The following LIMK2 variants were observed in gnomAD, a reference collection of about 807,000 sequenced individuals.
The protein encoded by LIMK2 is LIM domain kinase 2.
LIMK2 carries 35 observed loss-of-function variants against 75.7 expected under a neutral mutation model. The observed-to-expected ratio is 0.46, with a 90% CI of 0.35 to 0.61. The LOEUF (loss-of-function observed/expected upper bound fraction) is 0.61, where lower values mean the gene tolerates loss of function less well. LIMK2 is among the 20% of genes least tolerant of loss of function. The pLI is 0.00. For missense variants in LIMK2, 623 were observed against 831.0 expected (o/e 0.75, Z 3.08); for synonymous variants, 301 against 319.2 (o/e 0.94, Z 0.61).
intron 7 of LIMK2, among the ~76,000 whole-genome samples, chr22:31,263,569 G>A (rs1489481528): frequency 2.0e-5 from 3 of 152,130 alleles, no homozygotes; most frequent in Non-Finnish European, 4.4e-5. Flanking sequence ...GCCAGGCACC[G>A]TGGCTCATGC....
intron 2 of LIMK2, among the ~76,000 whole-genome samples, chr22:31,239,010 T>C (rs1003621586): frequency 1.3e-5 from 2 of 152,198 alleles, no homozygotes; most frequent in Middle Eastern, 3.2e-3. Flanking sequence ...CTATAAGGGG[T>C]TGCAATTCCA....
intron 1 of LIMK2, among the ~76,000 whole-genome samples, chr22:31,219,910 A>G (rs935744978): frequency 1.3e-5 from 2 of 152,198 alleles, no homozygotes; most frequent in African/African-American, 2.4e-5. Context: ...CACTGTTGAT[A>G]AGTCTGCAAA....
chr22:31,221,219 A>G lies in LIMK2; in HGVS notation c.17-4501A>G, dbSNP rs116820881. The stretch of plus-strand genomic sequence containing the variant: ...GATTGTAGCAGACCAGGGGCCAGAC[A>G]TGGTTTGCTAGCCCTTTGGAGGTAG... On this transcript the variant is annotated intron_variant, in intron 1 of 15. Coordinates refer to ENST00000331728, the MANE Select transcript of LIMK2 (RefSeq NM_005569.4). Among the ~76,000 whole-genome samples the G allele has an allele frequency of 6.0e-3, 914 of 152,288 alleles. 13 individuals are homozygous for G. Among genetic ancestry groups the G allele is most frequent in the African/African-American group, 0.021 (861 of 41,542 alleles).
chr22:31,237,976 A>G (rs896476779), intron 2 of LIMK2, among the ~76,000 whole-genome samples: 1 of 151,320 alleles, frequency 6.6e-6, no homozygotes, highest in Non-Finnish European at 1.5e-5. Context: ...TTAGCCAGGC[A>G]TGATGGCAGG....
At chr22:31,233,162 T>G (rs932673486) in intron 2 of LIMK2, among the ~76,000 whole-genome samples, 2 of 152,196 alleles carry the variant, frequency 1.3e-5, no homozygotes, top group African/African-American at 4.8e-5. Flanking sequence ...AAATGCCAGC[T>G]TCACTTACCA....
intron 2 of LIMK2, among the ~76,000 whole-genome samples, chr22:31,242,695 C>A (rs899250556): frequency 6.6e-6 from 1 of 152,166 alleles, no homozygotes; most frequent in African/African-American, 2.4e-5. Context: ...AAGTTCTATC[C>A]AGATGCCAAA....
intron 2 of LIMK2, among the ~76,000 whole-genome samples, chr22:31,240,591 T>C (rs1348623434): frequency 6.6e-6 from 1 of 152,022 alleles, no homozygotes; most frequent in Non-Finnish European, 1.5e-5. Context: ...TCCTGGCTAA[T>C]TTTATGTGTT....
chr22:31,270,911 A>G (rs1362280900), intron 11 of LIMK2, among the ~76,000 whole-genome samples: 1 of 152,188 alleles, frequency 6.6e-6, no homozygotes, highest in Non-Finnish European at 1.5e-5. Context: ...TTGGTGAACC[A>G]AAGGATGGGC....
Position 31,262,192 on chromosome 22 carries a change from A to G in LIMK2, c.610A>G (p.Ile204Val). The G allele has an allele frequency of 2.5e-6, 4 of 1,614,194 alleles. No individual in the cohort carries two copies. The highest frequency in any genetic ancestry group is 2.5e-6 in the Non-Finnish European group (3 of 1,180,024). The change falls in exon 6 of 16, where the codon ATC (isoleucine) becomes GTC (valine). Residue 204 changes from isoleucine to valine, a missense_variant. Transcript: ENST00000331728. The surrounding 1 kb of genome is among the most constrained non-coding windows in gnomAD (Gnocchi z 5.0). ...AAACGCCATCCACCCTGGGGACCGC[A>G]TCCTGGAGATCAATGGGACCCCCGT... ...NRNAIHPGDRILEINGTPVRT... is the reference protein window; with the variant it reads ...NRNAIHPGDRVLEINGTPVRT...
chr22:31,235,207 A>C (rs1410635263), intron 2 of LIMK2, among the ~76,000 whole-genome samples: 1 of 152,122 alleles, frequency 6.6e-6, no homozygotes, highest in African/African-American at 2.4e-5. Flanking sequence ...TGTTGAATGA[A>C]TTGCTAGAGG....
intron 2 of LIMK2, among the ~76,000 whole-genome samples, chr22:31,228,528 C>T (rs2048498257): frequency 6.6e-6 from 1 of 152,094 alleles, no homozygotes; most frequent in South Asian, 2.1e-4. Flanking sequence ...GAGCTTCAGG[C>T]ACCAATCTGT....
At chr22:31,243,046 C>T (rs1014219106) in intron 2 of LIMK2, among the ~76,000 whole-genome samples, 5 of 152,194 alleles carry the variant, frequency 3.3e-5, no homozygotes, top group Non-Finnish European at 7.3e-5. Flanking sequence ...CCTCAGCCTC[C>T]GCAGTAGCTG....
In LIMK2 at chr22:31,262,346, T is replaced by C. The variant is rs1601433817; in HGVS notation, c.657+107T>C. ...TTCCTACCCCCAGCCCATCTCTTTG[T>C]CTTAGCATTGAGCCTGTGACCACTG... On this transcript the variant is annotated intron_variant, in intron 6 of 15. Transcript: ENST00000331728. This position sits in a 1 kb window ranked among gnomAD's most constrained non-coding sequence, Gnocchi z 5.0. 1 of 967,982 alleles carries C rather than the reference T, an allele frequency of 1.0e-6. No homozygotes were observed. The highest frequency in any genetic ancestry group is 1.6e-6 in the Non-Finnish European group (1 of 613,852). The allele number at this position is 967,982 out of a possible 1,614,324, so 60.0% of individuals were successfully genotyped here. A position where few individuals can be genotyped will look rare whatever the true frequency, so the allele number is the denominator to read the frequency against.
chr22:31,276,575 C>CCCG (rs969403952), intron 15 of LIMK2, among the ~76,000 whole-genome samples: 2 of 145,658 alleles, frequency 1.4e-5, no homozygotes, highest in Non-Finnish European at 3.0e-5. Flanking sequence ...CCCGGGCGCC[C>CCCG]CCGCCGCCGC....
intron 2 of LIMK2, among the ~76,000 whole-genome samples, chr22:31,227,892 C>G (rs2048492555): frequency 6.6e-6 from 1 of 152,172 alleles, no homozygotes; most frequent in South Asian, 2.1e-4. Flanking sequence ...ATAACCCATT[C>G]ATATCACAGA....
chr22:31,242,878 C>T (rs1214952230), intron 2 of LIMK2, among the ~76,000 whole-genome samples: 1 of 152,226 alleles, frequency 6.6e-6, no homozygotes, highest in Non-Finnish European at 1.5e-5. Flanking sequence ...CATATGTTCT[C>T]ATTTAATGCT....
intron 2 of LIMK2, chr22:31,248,557 C>T: frequency 1.9e-6 from 3 of 1,599,826 alleles, no homozygotes; most frequent in Non-Finnish European, 2.6e-6. Context: ...AGTCCTCAGG[C>T]TCCCGCAGCT....
intron 14 of LIMK2, 138 bp from the exon 15 acceptor site, chr22:31,275,013 A>C: frequency 1.3e-6 from 1 of 781,236 alleles, no homozygotes; most frequent in Non-Finnish European, 2.2e-6. Context: ...ATGATTGGGG[A>C]TTGGGGAGAG....
At chr22:31,258,152 A>G (rs1202631066) in intron 2 of LIMK2, 139 bp from the exon 3 acceptor site, 2 of 836,338 alleles carry the variant, frequency 2.4e-6, no homozygotes, top group Non-Finnish European at 3.7e-6. Context: ...GAGATAGCAC[A>G]AGGCTGTAAC....
Sources: gnomAD v4.1 joint callset for allele counts (sites outside exome capture counted in the v4.1 genomes callset) on GRCh38, gnomAD v4.1.1 for gene constraint, Gnocchi (gnomAD v3.1) non-coding constraint, MANE v1.5 for transcripts, NCBI Gene and HGNC (gene_info 2026-07-23, HGNC 2026-07-21) for gene names.